CNTNAP2: variants seen among roughly 807,000 people sequenced by gnomAD.
CNTNAP2 encodes contactin-associated protein-like 2.
A neutral mutation model predicts 155.2 loss-of-function variants in CNTNAP2; 98 were observed. The observed-to-expected ratio is 0.63, with a 90% CI of 0.54 to 0.75. The LOEUF (loss-of-function observed/expected upper bound fraction) is 0.75. Ranked by LOEUF, CNTNAP2 falls within the 30% of genes least tolerant of loss-of-function variation. The pLI is 0.00. For missense variants in CNTNAP2, 1,727 were observed against 1,688.1 expected (o/e 1.02, Z -0.40); for synonymous variants, 651 against 631.2 (o/e 1.03, Z -0.47).
At chr7:146,156,429 A>C (rs1051726651) in intron 1 of CNTNAP2, among the ~76,000 whole-genome samples, 1 of 152,216 alleles carries the variant, frequency 6.6e-6, no homozygotes, top group Admixed American at 6.5e-5. Flanking sequence ...AGGAATGGCA[A>C]CTGTAGTGAT....
chr7:147,334,906 A>G (rs1795640345), intron 9 of CNTNAP2, among the ~76,000 whole-genome samples: 1 of 152,180 alleles, frequency 6.6e-6, no homozygotes, highest in South Asian at 2.1e-4. Context: ...TTATTTAATA[A>G]AAGAATGTTT....
intron 10 of CNTNAP2, among the ~76,000 whole-genome samples, chr7:147,407,489 A>G (rs113900458): frequency 0.027 from 3,915 of 143,788 alleles, 564 homozygotes; most frequent in African/African-American, 0.094. Context: ...AAAAAAAAAA[A>G]AAAAAAAAAA....
At chr7:147,046,788 G>A (rs1799364738) in intron 4 of CNTNAP2, among the ~76,000 whole-genome samples, 1 of 152,000 alleles carries the variant, frequency 6.6e-6, no homozygotes, top group African/African-American at 2.4e-5. Flanking sequence ...CCAGCACTTT[G>A]GGAGGCCAAG....
intron 17 of CNTNAP2, among the ~76,000 whole-genome samples, chr7:148,169,743 C>T (rs1219802291): frequency 2.6e-5 from 4 of 152,082 alleles, no homozygotes; most frequent in South Asian, 2.1e-4. Flanking sequence ...AGGCAGATCA[C>T]GAGGTCAGGA....
At position 146,293,027 on chromosome 7, in the gene CNTNAP2, AGAT is replaced by A. The variant is rs555437977; in HGVS notation, c.97+176060_97+176062del. Among the ~76,000 whole-genome samples, 504 of 152,308 alleles carry A rather than the reference AGAT, an allele frequency of 3.3e-3. 2 individuals are homozygous for A. The highest frequency in any genetic ancestry group is 0.012 in the African/African-American group (487 of 41,570). On this transcript the variant is annotated intron_variant, in intron 1 of 23. Coordinates refer to ENST00000361727, the MANE Select transcript of CNTNAP2 (RefSeq NM_014141.6). ...TTCTCACCACAAAATATGGTATTTA[AGAT>A]GATGAACATATTAATTAGCTTGATT...
chr7:147,060,975 A>G (rs764718029), intron 4 of CNTNAP2, among the ~76,000 whole-genome samples: 1 of 152,234 alleles, frequency 6.6e-6, no homozygotes, highest in Non-Finnish European at 1.5e-5. Flanking sequence ...GTTTTTCTGC[A>G]TTAATATTCA....
chr7:146,665,788 A>AAAAAAAAAAAAAAAAC (rs1328734569), intron 1 of CNTNAP2, among the ~76,000 whole-genome samples: 1 of 142,038 alleles, frequency 7.0e-6, no homozygotes, highest in Non-Finnish European at 1.5e-5. Flanking sequence ...CTCATTAAAA[A>AAAAAAAAAAAAAAAAC]AAAAAAAAAA....
rs116139616 is a variant in CNTNAP2, at chr7:147,696,453, A to G, written c.2098+57147A>G. Among the ~76,000 whole-genome samples, 630 of 152,314 alleles carry G rather than the reference A, an allele frequency of 4.1e-3. 1 individual carries two copies. The highest frequency in any genetic ancestry group is 0.014 in the African/African-American group (593 of 41,580). Reference sequence around the variant, plus strand: ...CTGTCACAGGTAGTGCAAATACTTTATAATAACAAAATATTTTGAATCCCT... The same window carrying G: ...CTGTCACAGGTAGTGCAAATACTTTGTAATAACAAAATATTTTGAATCCCT... On this transcript the variant is annotated intron_variant, in intron 13 of 23. Transcript: ENST00000361727.
At chr7:148,159,579 C>G (rs1353628950) in intron 17 of CNTNAP2, among the ~76,000 whole-genome samples, 1 of 152,186 alleles carries the variant, frequency 6.6e-6, no homozygotes, top group Non-Finnish European at 1.5e-5. Context: ...TTCTGCAACT[C>G]TGCCACCACG....
At chr7:146,144,289 C>T (rs1797925045) in intron 1 of CNTNAP2, among the ~76,000 whole-genome samples, 1 of 151,964 alleles carries the variant, frequency 6.6e-6, no homozygotes. Flanking sequence ...GTAGCTGGAA[C>T]CACAGGTGCG....
At chr7:148,049,637 A>G (rs911418500) in intron 15 of CNTNAP2, among the ~76,000 whole-genome samples, 1 of 152,194 alleles carries the variant, frequency 6.6e-6, no homozygotes, top group Non-Finnish European at 1.5e-5. Flanking sequence ...GCCTAGTAAC[A>G]TCACAGCTGT....
At chr7:147,247,939 T>G (rs1284837031) in intron 8 of CNTNAP2, among the ~76,000 whole-genome samples, 1 of 151,966 alleles carries the variant, frequency 6.6e-6, no homozygotes, top group Non-Finnish European at 1.5e-5. Flanking sequence ...GGAAAAAAAT[T>G]TTTAAAAAAA....
At chr7:147,780,830 TTTTG>T (rs1244164689) in intron 13 of CNTNAP2, among the ~76,000 whole-genome samples, 1 of 152,148 alleles carries the variant, frequency 6.6e-6, no homozygotes, top group Admixed American at 6.5e-5. Flanking sequence ...TTAGGAAGTG[TTTTG>T]TTTGTTTGTT....
intron 18 of CNTNAP2, among the ~76,000 whole-genome samples, chr7:148,196,655 G>C (rs562385803): frequency 6.6e-6 from 1 of 152,138 alleles, no homozygotes; most frequent in South Asian, 2.1e-4. Flanking sequence ...GAAAACTGAG[G>C]CATTGATAAA....
Position 146,714,142 on chromosome 7 carries a change from C to T in CNTNAP2, c.98-60129C>T, listed in dbSNP as rs1266345145. 5.9e-5 allele frequency among the ~76,000 whole-genome samples: 9 copies of T among 152,234 alleles called. No individual in the cohort carries two copies. In the East Asian group the frequency reaches 1.2e-3, roughly 20 times the overall value. On this transcript the variant is annotated intron_variant, in intron 1 of 23. Transcript: ENST00000361727. Reference sequence around the variant, plus strand: ...ATAGAAACTCCACATGAAAGCCTTCCGTGACGCATGATCATGGCTATTCAC... The same window carrying T: ...ATAGAAACTCCACATGAAAGCCTTCTGTGACGCATGATCATGGCTATTCAC...
At chr7:147,290,840 G>T (rs1325311179) in intron 8 of CNTNAP2, among the ~76,000 whole-genome samples, 1 of 152,166 alleles carries the variant, frequency 6.6e-6, no homozygotes, top group African/African-American at 2.4e-5. Flanking sequence ...CTCTGTACAT[G>T]CATGAGTCTT....
At chr7:146,655,512 A>G (rs1237651833) in intron 1 of CNTNAP2, among the ~76,000 whole-genome samples, 1 of 151,854 alleles carries the variant, frequency 6.6e-6, no homozygotes, top group African/African-American at 2.4e-5. Context: ...GTCTACAAAT[A>G]TATTCTTTCA....
At chr7:146,361,286 G>T (rs1795078454) in intron 1 of CNTNAP2, among the ~76,000 whole-genome samples, 1 of 152,100 alleles carries the variant, frequency 6.6e-6, no homozygotes, top group Non-Finnish European at 1.5e-5. Context: ...TATTCAGAGG[G>T]CATACTTTTT....
At chr7:146,646,616 G>T (rs924478168) in intron 1 of CNTNAP2, among the ~76,000 whole-genome samples, 2 of 152,086 alleles carry the variant, frequency 1.3e-5, no homozygotes, top group Non-Finnish European at 2.9e-5. Context: ...TCCTCTGTTG[G>T]TGGACATATT....
Sources: gnomAD v4.1 joint callset for allele counts (sites outside exome capture counted in the v4.1 genomes callset) on GRCh38, gnomAD v4.1.1 for gene constraint, MANE v1.5 for transcripts, NCBI Gene and HGNC (gene_info 2026-07-23, HGNC 2026-07-21) for gene names.